NUCKS1: variants seen among roughly 807,000 people sequenced by gnomAD.
NUCKS1 encodes the protein nuclear ubiquitous casein and cyclin-dependent kinase substrate 1.
Under a neutral mutation model 33.0 loss-of-function variants are expected in NUCKS1, and 2 were observed. The observed-to-expected ratio is 0.06, with a 90% confidence interval of 0.02 to 0.19. NUCKS1 has a LOEUF of 0.19. NUCKS1 is among the 10% of genes least tolerant of loss of function. NUCKS1 has a pLI of 1.00. For synonymous variants in NUCKS1, 106 were observed against 102.8 expected, an observed-to-expected ratio of 1.03 and a Z score of -0.19; for missense variants, 201 against 293.6, an observed-to-expected ratio of 0.68 and a Z score of 2.31.
chr1:205,742,095 A>G (rs1654190616), intron 1 of NUCKS1, among the ~76,000 whole-genome samples: 1 of 152,246 alleles, frequency 6.6e-6, no homozygotes, highest in Non-Finnish European at 1.5e-5. Flanking sequence ...TCCCAGTGTA[A>G]GAGATAGCAG....
At position 205,746,441 on chromosome 1, in the gene NUCKS1, TCTCTCTCTCTCTCA is replaced by T. The variant is rs1461832608; in HGVS notation, c.17+3502_17+3515del. ...TCCAAGGTTAATAAACTCACTTCTCTCTCTCTCTCTCTCACACACACACACACACACACACACAC... is the reference window on the plus strand; with the variant it reads ...TCCAAGGTTAATAAACTCACTTCTCTCACACACACACACACACACACACAC... On this transcript the variant is annotated intron_variant, in intron 1 of 6. Transcript: ENST00000367142. Among the ~76,000 whole-genome samples, 137 of 40,744 alleles carry T rather than the reference TCTCTCTCTCTCTCA, an allele frequency of 3.4e-3. 1 individual carries two copies. The highest frequency in any genetic ancestry group is 0.023 in the South Asian group (33 of 1,464). The allele number at this position is 40,744 out of a possible 152,430, so 26.7% of individuals were successfully genotyped here.
intron 2 of NUCKS1, among the ~76,000 whole-genome samples, chr1:205,729,238 G>C (rs1653850669): frequency 2.0e-5 from 3 of 152,092 alleles, no homozygotes; most frequent in Admixed American, 2.0e-4. Context: ...CAAAGTGCTG[G>C]GATTACAGGC....
At chr1:205,725,080 C>T (rs1001720490) in intron 3 of NUCKS1, among the ~76,000 whole-genome samples, 1 of 152,308 alleles carries the variant, frequency 6.6e-6, no homozygotes, top group African/African-American at 2.4e-5. Context: ...TGGGGTTTCA[C>T]CATGTTGCCC....
chr1:205,734,206 A>C (rs74143847), intron 1 of NUCKS1, among the ~76,000 whole-genome samples: 9 of 152,140 alleles, frequency 5.9e-5, no homozygotes, highest in Non-Finnish European at 1.3e-4. Flanking sequence ...AACCTAAGAC[A>C]CTAAAAAGGA....
At chr1:205,741,156 C>T (rs1263091585) in intron 1 of NUCKS1, among the ~76,000 whole-genome samples, 7 of 150,332 alleles carry the variant, frequency 4.7e-5, no homozygotes, top group African/African-American at 1.5e-4. Context: ...AAAAATTAGC[C>T]GGGCGTGGTG....
At chr1:205,732,091 C>T (rs955252261) in intron 1 of NUCKS1, among the ~76,000 whole-genome samples, 1 of 151,912 alleles carries the variant, frequency 6.6e-6, no homozygotes, top group Non-Finnish European at 1.5e-5. Flanking sequence ...GAAAAAAAGG[C>T]TTGGGCTTAT....
intron 4 of NUCKS1, 82 bp downstream of exon 4, chr1:205,723,844 G>A (rs1280655671): frequency 1.0e-5 from 10 of 977,552 alleles, no homozygotes; most frequent in Non-Finnish European, 1.6e-5. Flanking sequence ...ACAGTGCCTG[G>A]CATAGAAATC....
Position 205,717,719 on chromosome 1 carries a change from T to C in NUCKS1, c.*561A>G. ...TCCTACCTGCCTCATCGGTGGAAGT[T>C]TAAAGTCATGATTTTTTTTAGACAT... On this transcript the variant is annotated 3_prime_UTR_variant, in exon 7 of 7. Transcript: ENST00000367142. The C allele has an allele frequency of 1.0e-6, 1 of 985,328 alleles. No homozygotes were observed. The highest frequency in any genetic ancestry group is 4.7e-5 in the South Asian group (1 of 21,280). 61.0% of individuals were successfully genotyped at this position (985,328 alleles called of 1,614,324 possible). A position where few individuals can be genotyped will look rare whatever the true frequency, so the allele number is the denominator to read the frequency against.
intron 1 of NUCKS1, among the ~76,000 whole-genome samples, chr1:205,735,391 G>A (rs370778360): frequency 2.6e-5 from 4 of 152,282 alleles, no homozygotes; most frequent in African/African-American, 9.6e-5. Flanking sequence ...TGGTTTTGTG[G>A]AAATACATGC....
At chr1:205,740,018 T>TTTTTG (rs1553252840) in intron 1 of NUCKS1, among the ~76,000 whole-genome samples, 1 of 146,198 alleles carries the variant, frequency 6.8e-6, no homozygotes, top group Non-Finnish European at 1.5e-5. Flanking sequence ...TTTTTTTTTT[T>TTTTTG]GAGAGACAGT....
intron 1 of NUCKS1, among the ~76,000 whole-genome samples, chr1:205,735,342 T>C (rs1270790816): frequency 6.6e-6 from 1 of 152,232 alleles, no homozygotes; most frequent in African/African-American, 2.4e-5. Flanking sequence ...AGCAATAGGC[T>C]ATACCATACA....
At chr1:205,743,157 CTG>C (rs1277613558) in intron 1 of NUCKS1, among the ~76,000 whole-genome samples, 1 of 152,118 alleles carries the variant, frequency 6.6e-6, no homozygotes, top group Non-Finnish European at 1.5e-5. Flanking sequence ...AGTATGGTGA[CTG>C]TTACATTTTT....
Position 205,714,761 on chromosome 1 carries a change from TTC to T in NUCKS1, c.*3517_*3518del, listed in dbSNP as rs1354122120. Reference sequence around the variant, plus strand: ...TGGCAGGAAATGCGTATTACTTCTGTTCTGTTTAAGCATCTCAGTCTAAATGC... The same window carrying T: ...TGGCAGGAAATGCGTATTACTTCTGTTGTTTAAGCATCTCAGTCTAAATGC... On this transcript the variant is annotated 3_prime_UTR_variant, in exon 7 of 7. Transcript: ENST00000367142. The T allele has an allele frequency of 2.2e-4, 33 of 152,332 alleles. No homozygotes were observed. Among genetic ancestry groups the T allele is most frequent in the African/African-American group, 7.7e-4 (32 of 41,574 alleles). 9.4% of individuals were successfully genotyped at this position (152,332 alleles called of 1,614,324 possible). A position where few individuals can be genotyped will look rare whatever the true frequency, so the allele number is the denominator to read the frequency against.
At chr1:205,721,515 A>T (rs1179632146) in intron 4 of NUCKS1, among the ~76,000 whole-genome samples, 1 of 152,226 alleles carries the variant, frequency 6.6e-6, no homozygotes, top group African/African-American at 2.4e-5. Context: ...TGAAAGCTAA[A>T]GTTAGAAAAA....
chr1:205,731,226 T>C (rs1653902033), intron 1 of NUCKS1: 1 of 152,220 alleles, frequency 6.6e-6, no homozygotes. Flanking sequence ...ACCTGGTTTA[T>C]CAGCAACATT....
chr1:205,742,181 A>C (rs1654192874), intron 1 of NUCKS1, among the ~76,000 whole-genome samples: 1 of 152,054 alleles, frequency 6.6e-6, no homozygotes. Flanking sequence ...TTTTATTGTG[A>C]CCTAGAACAC....
At chr1:205,747,216 C>T (rs922331089) in intron 1 of NUCKS1, among the ~76,000 whole-genome samples, 2 of 152,112 alleles carry the variant, frequency 1.3e-5, no homozygotes, top group Non-Finnish European at 1.5e-5. Context: ...GTTCTCAGCC[C>T]AACATTTGCA....
chr1:205,746,044 C>T (rs555127598), intron 1 of NUCKS1, among the ~76,000 whole-genome samples: 1 of 152,194 alleles, frequency 6.6e-6, no homozygotes, highest in East Asian at 1.9e-4. Context: ...GCCTGTAATC[C>T]CAGCACTTTG....
Position 205,718,482 on chromosome 1 carries a change from G to A in NUCKS1, c.533-3C>T, listed in dbSNP as rs1389666957. 1 of 1,602,748 alleles carries A rather than the reference G, an allele frequency of 6.2e-7. No individual in the cohort carries two copies. The highest frequency in any genetic ancestry group is 8.5e-7 in the Non-Finnish European group (1 of 1,176,426). ...GCCTTTCACTGGACTTGGCGTCACT[G>A]AAAATAGAAAAATAATTTGGGGAAG... On this transcript the variant is annotated splice_region_variant and splice_polypyrimidine_tract_variant and intron_variant, in intron 6 of 6. Coordinates refer to ENST00000367142, the MANE Select transcript of NUCKS1 (RefSeq NM_022731.5).
Sources: allele counts gnomAD v4.1 joint callset (sites outside exome capture counted in the v4.1 genomes callset), GRCh38; gene constraint gnomAD v4.1.1; transcripts MANE v1.5; gene names NCBI Gene and HGNC (gene_info 2026-07-23, HGNC 2026-07-21).